Variants in VAV1 observed in about 807,000 individuals in gnomAD.
VAV1 encodes the protein proto-oncogene vav.
Under a neutral mutation model 128.1 loss-of-function variants are expected in VAV1, and 33 were observed. That is an observed-to-expected ratio of 0.26 (90% CI 0.20 to 0.34). The LOEUF (loss-of-function observed/expected upper bound fraction) is 0.34, where lower values mean the gene tolerates loss of function less well. Ranked by LOEUF, VAV1 falls within the 10% of genes least tolerant of loss-of-function variation. VAV1 has a pLI of 1.00. For synonymous variants in VAV1, 394 were observed against 409.8 expected (o/e 0.96, Z 0.47); for missense variants, 715 against 1,093.7 (o/e 0.65, Z 4.88).
At chr19:6,834,489 C>T (rs1289658774) in intron 19 of VAV1, among the ~76,000 whole-genome samples, 2 of 151,254 alleles carry the variant, frequency 1.3e-5, no homozygotes, top group Non-Finnish European at 2.9e-5. Flanking sequence ...GGTGATCTGC[C>T]TGCTCAGCCT....
intron 22 of VAV1, among the ~76,000 whole-genome samples, chr19:6,846,514 G>A (rs1336558725): frequency 1.3e-5 from 2 of 151,014 alleles, no homozygotes; most frequent in Non-Finnish European, 2.9e-5. Flanking sequence ...CTTGAACCCA[G>A]GAGGCAGAGG....
chr19:6,855,702 C>A (rs986536441), intron 26 of VAV1, among the ~76,000 whole-genome samples: 6 of 151,936 alleles, frequency 3.9e-5, no homozygotes, highest in Non-Finnish European at 8.8e-5. Context: ...CATCCATACA[C>A]CTACTCACCA....
intron 1 of VAV1, among the ~76,000 whole-genome samples, chr19:6,779,806 T>C (rs1970723537): frequency 6.7e-6 from 1 of 149,356 alleles, no homozygotes; most frequent in Non-Finnish European, 1.5e-5. Flanking sequence ...CTGGCCCAAT[T>C]ATAGCTTCTA....
At chr19:6,848,335 AAATT>A (rs1220972971) in intron 23 of VAV1, among the ~76,000 whole-genome samples, 1 of 152,154 alleles carries the variant, frequency 6.6e-6, no homozygotes, top group East Asian at 1.9e-4. Flanking sequence ...AAGGCTCTTA[AAATT>A]AATTAATTAA....
In VAV1 at chr19:6,850,659, T is replaced by C. The variant is rs747336613; in HGVS notation, c.2130-11T>C. On this transcript the variant is annotated splice_polypyrimidine_tract_variant and intron_variant, in intron 23 of 26. Transcript: ENST00000602142. The stretch of plus-strand genomic sequence containing the variant: ...CCCCAGACTCAGGGCCCGGTGACCA[T>C]CTGGTTCCAGATATAACGTCGAGGT... 2.5e-6 allele frequency: 4 copies of C among 1,613,918 alleles called. 1 individual carries two copies. In the South Asian group the frequency reaches 4.4e-5, roughly 18 times the overall value.
intron 14 of VAV1, 149 bp from the exon 15 acceptor site, chr19:6,831,942 G>C (rs1387932782): frequency 3.3e-6 from 2 of 614,700 alleles, no homozygotes; most frequent in Non-Finnish European, 5.6e-6. Flanking sequence ...ATCCTAGAAA[G>C]CCCTTTTACA....
intron 1 of VAV1, among the ~76,000 whole-genome samples, chr19:6,791,214 C>T (rs72998340): frequency 3.3e-5 from 5 of 152,354 alleles, no homozygotes; most frequent in Non-Finnish European, 7.3e-5. Context: ...TGAGTTATCT[C>T]CTCATCTTGA....
chr19:6,796,587 C>A lies in VAV1; in HGVS notation c.204+23576C>A, dbSNP rs529507246. 9.9e-5 allele frequency among the ~76,000 whole-genome samples: 15 copies of A among 152,266 alleles called. No homozygotes were observed. The East Asian group carries it at 2.9e-3, about 29-fold the overall frequency. On this transcript the variant is annotated intron_variant, in intron 1 of 26. Transcript: ENST00000602142. ...CTAACCTCAGGGCTTCTTGTACTAA[C>A]CTCACTGGCTATTCCCTCTGCCTGA...
intron 1 of VAV1, among the ~76,000 whole-genome samples, chr19:6,781,386 C>A (rs908240607): frequency 3.9e-5 from 6 of 152,190 alleles, no homozygotes; most frequent in Non-Finnish European, 7.3e-5. Context: ...GCCTCCCCGA[C>A]AGACGGTTCT....
intron 1 of VAV1, among the ~76,000 whole-genome samples, chr19:6,788,761 A>T (rs1490286443): frequency 6.6e-6 from 1 of 152,138 alleles, no homozygotes; most frequent in Non-Finnish European, 1.5e-5. Flanking sequence ...GGAGAATACC[A>T]TGCTCTGATG....
chr19:6,777,232 ACTAT>A lies in VAV1; in HGVS notation c.204+4223_204+4226del, dbSNP rs1252535877. ...ATTCATCCATCCATTTATCTGTTTA[ACTAT>A]CCATCCATCCATCCATCCATCCATC... is the stretch of plus-strand genomic sequence containing the variant. On this transcript the variant is annotated intron_variant, in intron 1 of 26. Transcript: ENST00000602142. The surrounding 1 kb of genome is among the most constrained non-coding windows in gnomAD (Gnocchi z 4.4). 1.7e-5 allele frequency among the ~76,000 whole-genome samples: 2 copies of A among 114,648 alleles called. No individual in the cohort carries two copies. The highest frequency in any genetic ancestry group is 3.5e-5 in the Non-Finnish European group (2 of 56,780). 75.2% of individuals were successfully genotyped at this position (114,648 alleles called of 152,430 possible).
chr19:6,794,911 C>T (rs1424153042), intron 1 of VAV1, among the ~76,000 whole-genome samples: 1 of 152,108 alleles, frequency 6.6e-6, no homozygotes, highest in Non-Finnish European at 1.5e-5. Flanking sequence ...GAGGATTCTT[C>T]GTCACATGAT....
chr19:6,781,609 ATT>A (rs5826948), intron 1 of VAV1, among the ~76,000 whole-genome samples: 2,591 of 141,562 alleles, frequency 0.018, 23 homozygotes, highest in South Asian at 0.062. Flanking sequence ...TCTCTTACTG[ATT>A]TTTTTTTTTT....
In VAV1 at chr19:6,825,064, G is replaced by A. The variant is rs771202671; in HGVS notation, c.666G>A (p.Lys222=). ...TLGSIQQHFL[K]PLQRFLKPQD... ...TCCCTTCCCCGCAGCATTTCTTGAA[G>A]CCCCTGCAACGGTTCCTGAAACCTC... Residue 222 remains lysine (K), a synonymous_variant, in exon 7 of 27, where the codon AAG becomes AAA. Coordinates refer to ENST00000602142, the MANE Select transcript of VAV1 (RefSeq NM_005428.4). 3.6e-5 allele frequency: 58 copies of A among 1,613,624 alleles called. 1 individual carries two copies. In the South Asian group the frequency reaches 6.3e-4, roughly 17 times the overall value.
chr19:6,819,554 A>G (rs906199013), intron 1 of VAV1, among the ~76,000 whole-genome samples: 1 of 152,146 alleles, frequency 6.6e-6, no homozygotes, highest in African/African-American at 2.4e-5. Context: ...CTCCTTTTTT[A>G]TGGCTGAGTA....
intron 1 of VAV1, among the ~76,000 whole-genome samples, chr19:6,775,840 A>C (rs1384863914): frequency 6.6e-6 from 1 of 152,164 alleles, no homozygotes; most frequent in Non-Finnish European, 1.5e-5. Flanking sequence ...GGGTAGAGGG[A>C]AAAAGGAAAG....
chr19:6,791,384 T>C (rs1486948550), intron 1 of VAV1, among the ~76,000 whole-genome samples: 1 of 152,134 alleles, frequency 6.6e-6, no homozygotes, highest in African/African-American at 2.4e-5. Context: ...TTCCTCATCT[T>C]GAGGTCCTTG....
At chr19:6,783,813 A>G (rs963080032) in intron 1 of VAV1, among the ~76,000 whole-genome samples, 1 of 152,074 alleles carries the variant, frequency 6.6e-6, no homozygotes, top group African/African-American at 2.4e-5. Flanking sequence ...GCTCCATTTA[A>G]CTACGAGGGA....
intron 16 of VAV1, 114 bp downstream of exon 16, chr19:6,833,399 G>T (rs904040371): frequency 1.2e-5 from 17 of 1,371,312 alleles, no homozygotes; most frequent in South Asian, 9.5e-5. Flanking sequence ...TCCCTACTTT[G>T]ATCTTCTGCT....
Sources: allele counts gnomAD v4.1 joint callset (sites outside exome capture counted in the v4.1 genomes callset), GRCh38; gene constraint gnomAD v4.1.1; non-coding constraint Gnocchi (gnomAD v3.1); transcripts MANE v1.5; gene names NCBI Gene and HGNC (gene_info 2026-07-23, HGNC 2026-07-21).